CETN3: variants seen among roughly 807,000 people sequenced by gnomAD.
CETN3 encodes the protein centrin 3, also known as centrin-3.
CETN3 carries 17 observed loss-of-function variants against 20.1 expected under a neutral mutation model. The observed-to-expected ratio is 0.85, with a 90% CI of 0.58 to 1.27. The LOEUF is 1.27. Ranked by LOEUF, CETN3 falls within the 50% of genes most tolerant of loss-of-function variation. CETN3 has a pLI of 0.00. For synonymous variants in CETN3, 52 were observed against 59.7 expected (o/e 0.87, Z 0.59); for missense variants, 169 against 191.2 (o/e 0.88, Z 0.69).
chr5:90,396,294 C>T, intron 4 of CETN3: 3 of 985,164 alleles, frequency 3.0e-6, no homozygotes, highest in Non-Finnish European at 3.6e-6. Flanking sequence ...AACACTATGA[C>T]AAACATGGTA....
intron 2 of CETN3, among the ~76,000 whole-genome samples, chr5:90,407,075 C>T (rs148853783): frequency 6.6e-6 from 1 of 152,128 alleles, no homozygotes; most frequent in Admixed American, 6.5e-5. Context: ...CATTAAAAAT[C>T]TCAAAATACT....
At chr5:90,398,632 AG>A (rs1289258081) in intron 4 of CETN3, among the ~76,000 whole-genome samples, 1 of 152,228 alleles carries the variant, frequency 6.6e-6, no homozygotes, top group Non-Finnish European at 1.5e-5. Context: ...AAAGAAGAAA[AG>A]TGAAAGAATA....
rs1181257685 is a variant in CETN3 at position 90,396,360 on chromosome 5, TG to T, written c.461-2254del. 2.4e-5 allele frequency: 33 copies of T among 1,350,814 alleles called. No individual in the cohort carries two copies. The South Asian group carries it at 6.1e-4, about 25-fold the overall frequency. 83.7% of individuals were successfully genotyped at this position (1,350,814 alleles called of 1,614,324 possible). A position where few individuals can be genotyped will look rare whatever the true frequency, so the allele number is the denominator to read the frequency against. On this transcript the variant is annotated intron_variant, in intron 4 of 4. Transcript: ENST00000283122. ...AACTACTTTCAAGAATCTTACAAAT[TG>T]ATGTAGTGATCTTTAACCTTTGCAG...
At chr5:90,399,717 A>G (rs1749233954) in intron 3 of CETN3, among the ~76,000 whole-genome samples, 168 bp from the exon 4 acceptor site, 1 of 152,240 alleles carries the variant, frequency 6.6e-6, no homozygotes, top group South Asian at 2.1e-4. Context: ...ACCTGAAATT[A>G]GAAAAATCAA....
chr5:90,401,334 G>A (rs982572519), intron 3 of CETN3, among the ~76,000 whole-genome samples: 1 of 152,194 alleles, frequency 6.6e-6, no homozygotes, highest in Non-Finnish European at 1.5e-5. Flanking sequence ...GTTCCACAAA[G>A]TAGAATTTAA....
chr5:90,408,152 C>G (rs1484277353), intron 1 of CETN3, among the ~76,000 whole-genome samples: 2 of 152,042 alleles, frequency 1.3e-5, no homozygotes, highest in Admixed American at 1.3e-4. Flanking sequence ...ACTTTTATGT[C>G]TGAAACTCCA....
chr5:90,406,322 T>C (rs949291402), intron 2 of CETN3, among the ~76,000 whole-genome samples: 3 of 151,994 alleles, frequency 2.0e-5, no homozygotes, highest in Admixed American at 2.0e-4. Context: ...AAGTCTTATT[T>C]GGAAAGATTC....
At chr5:90,406,840 CAA>C (rs762527758) in intron 2 of CETN3, among the ~76,000 whole-genome samples, 1 of 61,726 alleles carries the variant, frequency 1.6e-5, no homozygotes, top group Admixed American at 1.7e-4. Flanking sequence ...TCTGGGTAAC[CAA>C]AAAAAAAAAA....
chr5:90,404,730 T>A (rs954819800), intron 3 of CETN3, among the ~76,000 whole-genome samples: 2 of 152,194 alleles, frequency 1.3e-5, no homozygotes, highest in African/African-American at 4.8e-5. Context: ...AATTGCCATT[T>A]CTTTTTGCTT....
chr5:90,406,782 G>C lies in CETN3; in HGVS notation c.153+917C>G, dbSNP rs997663036. On this transcript the variant is annotated intron_variant, in intron 2 of 4. Transcript: ENST00000283122. The stretch of plus-strand genomic sequence containing the variant: ...GGTATGAAATAAGGTCCCAAACCAA[G>C]ATAGTCAATGGTTACAAATGGAACA... Among the ~76,000 whole-genome samples the C allele has an allele frequency of 7.3e-5, 9 of 122,516 alleles. No homozygotes were observed. The South Asian group carries it at 1.6e-3, about 22-fold the overall frequency. The allele number at this position is 122,516 out of a possible 152,430, so 80.4% of individuals were successfully genotyped here.
intron 1 of CETN3, among the ~76,000 whole-genome samples, chr5:90,409,199 G>T (rs1749551753): frequency 6.6e-6 from 1 of 152,152 alleles, no homozygotes; most frequent in African/African-American, 2.4e-5. Context: ...GTAAAGCAGG[G>T]CCCTGGGAGA....
chr5:90,409,479 G>T (rs28489657), intron 1 of CETN3, among the ~76,000 whole-genome samples, 166 bp downstream of exon 1: 6,819 of 152,274 alleles, frequency 0.045, 516 homozygotes, highest in African/African-American at 0.16. Context: ...CAGGGCATCA[G>T]AGCCCAGAGG....
chr5:90,397,684 C>T (rs1415433521), intron 4 of CETN3, among the ~76,000 whole-genome samples: 2 of 152,000 alleles, frequency 1.3e-5, no homozygotes, highest in Non-Finnish European at 2.9e-5. Flanking sequence ...CTTCATAGCC[C>T]GAAAGGCAAT....
At chr5:90,397,013 G>A (rs553486807) in intron 4 of CETN3, among the ~76,000 whole-genome samples, 13 of 152,084 alleles carry the variant, frequency 8.5e-5, no homozygotes, top group South Asian at 2.1e-4. Context: ...ATGATTTAAC[G>A]TATACAAGAG....
At chr5:90,404,345 T>C (rs1008714993) in intron 3 of CETN3, among the ~76,000 whole-genome samples, 2 of 152,206 alleles carry the variant, frequency 1.3e-5, no homozygotes, top group African/African-American at 2.4e-5. Flanking sequence ...ACCTGGATTA[T>C]AGCTCCTTCC....
intron 1 of CETN3, 142 bp downstream of exon 1, chr5:90,409,503 G>T: frequency 1.1e-6 from 1 of 907,658 alleles, no homozygotes; most frequent in Non-Finnish European, 1.8e-6. Context: ...AGTGATCCGG[G>T]CAGGCTGCCC....
At chr5:90,395,318 GATATT>G (rs1378273759) in intron 4 of CETN3, among the ~76,000 whole-genome samples, 32 of 152,176 alleles carry the variant, frequency 2.1e-4, no homozygotes, top group African/African-American at 7.7e-4. Flanking sequence ...GATATTATAT[GATATT>G]ATAAAATTAT....
At chr5:90,407,380 A>C (rs1749479940) in intron 2 of CETN3, among the ~76,000 whole-genome samples, 1 of 152,124 alleles carries the variant, frequency 6.6e-6, no homozygotes, top group Admixed American at 6.5e-5. Flanking sequence ...AAAAACAAAA[A>C]ACAGTGAAAA....
At chr5:90,397,742 T>C in intron 4 of CETN3, among the ~76,000 whole-genome samples, 1 of 152,166 alleles carries the variant, frequency 6.6e-6, no homozygotes, top group Non-Finnish European at 1.5e-5. Flanking sequence ...GGAGATTTGA[T>C]TTTGAGTTCT....
Sources: allele counts gnomAD v4.1 joint callset (sites outside exome capture counted in the v4.1 genomes callset), GRCh38; gene constraint gnomAD v4.1.1; transcripts MANE v1.5; gene names NCBI Gene and HGNC (gene_info 2026-07-23, HGNC 2026-07-21).